The following IL1RL2 variants were observed in gnomAD, a reference collection of about 807,000 sequenced individuals.
The protein encoded by IL1RL2 is interleukin-1 receptor-like 2.
In IL1RL2, 68 loss-of-function variants were observed where a neutral mutation model predicts 66.8. The ratio of observed to expected loss-of-function variants is 1.02; its 90% CI spans 0.84 to 1.25. The LOEUF (loss-of-function observed/expected upper bound fraction) is 1.25. Ranked by LOEUF, IL1RL2 falls within the 50% of genes most tolerant of loss-of-function variation. The probability of loss-of-function intolerance (pLI) is 0.00; values close to 1 mark genes in which losing one functional copy is unlikely to be tolerated. For missense variants in IL1RL2, 729 were observed against 709.3 expected, an observed-to-expected ratio of 1.03 and a Z score of -0.32; for synonymous variants, 305 against 264.6, an observed-to-expected ratio of 1.15 and a Z score of -1.48.
In IL1RL2 at chr2:102,235,078, C is replaced by G. The variant is rs752467081; in HGVS notation, c.1479C>G (p.Asp493Glu). Residue 493 changes from aspartate (D) to glutamate (E), a missense_variant, in exon 11 of 12, where the codon GAC (aspartate) becomes GAG (glutamate). Physicochemically the swap from Asp to Glu is conservative, Grantham distance 45. Transcript: ENST00000264257. ...TCATTGAGCTGGAGAAAATCGAGGA[C>G]TACACAGTCATGCCAGAGTCAATTC... is the stretch of plus-strand genomic sequence containing the variant. ...VILIELEKIE[D>E]YTVMPESIQY... is the part of the protein sequence containing the mutation. 7.7e-5 allele frequency: 124 copies of G among 1,614,098 alleles called. No individual in the cohort carries two copies. In the South Asian group the frequency reaches 1.3e-3, roughly 17 times the overall value.
intron 10 of IL1RL2, among the ~76,000 whole-genome samples, chr2:102,234,247 A>T (rs750699700): frequency 2.6e-5 from 4 of 152,254 alleles, no homozygotes; most frequent in Non-Finnish European, 5.9e-5. Flanking sequence ...TATTTTTAAA[A>T]ACGTGTTCAT....
intron 5 of IL1RL2, among the ~76,000 whole-genome samples, chr2:102,208,834 T>C (rs1357270699): frequency 6.6e-6 from 1 of 152,276 alleles, no homozygotes; most frequent in Non-Finnish European, 1.5e-5. Context: ...TTTTAATTGT[T>C]CATGCTAAAA....
chr2:102,195,182 T>C (rs1687560689), intron 4 of IL1RL2, among the ~76,000 whole-genome samples: 1 of 152,226 alleles, frequency 6.6e-6, no homozygotes, highest in South Asian at 2.1e-4. Context: ...ATTGTTACAA[T>C]GTGTCCTTCT....
intron 8 of IL1RL2, among the ~76,000 whole-genome samples, chr2:102,224,534 A>G (rs12472862): frequency 0.44 from 66,663 of 151,940 alleles, 15,144 homozygotes; most frequent in East Asian, 0.59. Flanking sequence ...TCATGAAGGT[A>G]GAGAGAAGAA....
chr2:102,223,209 G>A (rs1690296309), intron 8 of IL1RL2, among the ~76,000 whole-genome samples: 1 of 152,118 alleles, frequency 6.6e-6, no homozygotes, highest in Admixed American at 6.5e-5. Context: ...TGAGTTCCTA[G>A]GAACTTCACC....
intron 8 of IL1RL2, among the ~76,000 whole-genome samples, chr2:102,224,184 A>G (rs1183792534): frequency 6.6e-6 from 1 of 152,214 alleles, no homozygotes; most frequent in Non-Finnish European, 1.5e-5. Context: ...CTAAAAATAT[A>G]ACAACCATAT....
rs113789431 is a variant in IL1RL2, at chr2:102,232,901, G to A, written c.1136-62G>A. On this transcript the variant is annotated intron_variant, in intron 9 of 11. Coordinates refer to ENST00000264257, the MANE Select transcript of IL1RL2 (RefSeq NM_003854.4). ...ACCATGGTAGCCGCTCAGGCTTCCG[G>A]TTTATTAACATGAGAGAATTTGGTA... 1.3e-4 allele frequency: 203 copies of A among 1,565,660 alleles called. 2 individuals are homozygous for A. In the African/African-American group the frequency reaches 2.5e-3, roughly 19 times the overall value.
intron 5 of IL1RL2, among the ~76,000 whole-genome samples, chr2:102,205,944 C>T (rs1688664787): frequency 6.6e-6 from 1 of 151,898 alleles, no homozygotes; most frequent in African/African-American, 2.4e-5. Flanking sequence ...TCTTTTGTCT[C>T]CTTTGACTGT....
intron 10 of IL1RL2, among the ~76,000 whole-genome samples, chr2:102,234,529 C>T (rs187570509): frequency 5.9e-5 from 9 of 152,330 alleles, no homozygotes; most frequent in Admixed American, 3.3e-4. Context: ...CAAGGTGGCT[C>T]ACACCTGTAA....
At chr2:102,219,797 A>G in intron 7 of IL1RL2, 84 bp from the exon 8 acceptor site, 1 of 1,357,348 alleles carries the variant, frequency 7.4e-7, no homozygotes, top group Non-Finnish European at 1.0e-6. Context: ...CTCAAAGAAA[A>G]CACTTTATCT....
At chr2:102,239,092 G>T (rs895107346) in intron 11 of IL1RL2, 100 bp from the exon 12 acceptor site, 14 of 1,004,686 alleles carry the variant, frequency 1.4e-5, no homozygotes, top group East Asian at 2.5e-5. Flanking sequence ...ATGAACTGAC[G>T]GCAAGGTGGA....
At chr2:102,196,377 T>G (rs766683884) in intron 4 of IL1RL2, among the ~76,000 whole-genome samples, 7 of 152,276 alleles carry the variant, frequency 4.6e-5, no homozygotes, top group South Asian at 2.1e-4. Flanking sequence ...GATTTGGTGA[T>G]CCAGGTATGG....
At chr2:102,231,223 G>A (rs1297071169) in intron 9 of IL1RL2, among the ~76,000 whole-genome samples, 1 of 152,130 alleles carries the variant, frequency 6.6e-6, no homozygotes, top group Non-Finnish European at 1.5e-5. Context: ...CTGCACCCCT[G>A]CAAGACTGTT....
chr2:102,207,971 C>T (rs939203989), intron 5 of IL1RL2, among the ~76,000 whole-genome samples: 1 of 152,164 alleles, frequency 6.6e-6, no homozygotes, highest in African/African-American at 2.4e-5. Context: ...CCTCCATGAG[C>T]CCGTGGCAGC....
At chr2:102,230,140 C>T (rs1189418053) in intron 9 of IL1RL2, among the ~76,000 whole-genome samples, 1 of 152,166 alleles carries the variant, frequency 6.6e-6, no homozygotes. Context: ...CGAGCATCAA[C>T]TCACCCAGCC....
intron 10 of IL1RL2, 68 bp downstream of exon 10, chr2:102,233,192 T>G: frequency 6.8e-7 from 1 of 1,460,664 alleles, no homozygotes; most frequent in Non-Finnish European, 9.4e-7. Context: ...TTCCTCCACT[T>G]TACTAATGGC....
intron 8 of IL1RL2, among the ~76,000 whole-genome samples, chr2:102,224,649 T>C (rs1396257363): frequency 6.6e-6 from 1 of 152,142 alleles, no homozygotes; most frequent in Non-Finnish European, 1.5e-5. Context: ...GAATGAGATC[T>C]AGTGTTTGGT....
At chr2:102,200,021 G>A (rs973671180) in intron 4 of IL1RL2, among the ~76,000 whole-genome samples, 13 of 151,462 alleles carry the variant, frequency 8.6e-5, no homozygotes, top group Non-Finnish European at 4.4e-5. Flanking sequence ...TTGGGGTGTG[G>A]TGGCACGTAC....
At chr2:102,189,451 T>G (rs55948744) in intron 3 of IL1RL2, 141 bp downstream of exon 3, 22,249 of 617,330 alleles carry the variant, frequency 0.036, 507 homozygotes, top group Non-Finnish European at 0.048. Flanking sequence ...CAATTTCCAG[T>G]GAACACATTT....
Sources: gnomAD v4.1 joint callset for allele counts (sites outside exome capture counted in the v4.1 genomes callset) on GRCh38, gnomAD v4.1.1 for gene constraint, MANE v1.5 for transcripts, NCBI Gene and HGNC (gene_info 2026-07-23, HGNC 2026-07-21) for gene names.